Variants in FRMD6 observed in about 807,000 individuals in gnomAD.
FRMD6 encodes FERM domain-containing protein 6.
Under a neutral mutation model 73.2 loss-of-function variants are expected in FRMD6, and 37 were observed. That is an observed-to-expected ratio of 0.51 (90% CI 0.39 to 0.66). The LOEUF (loss-of-function observed/expected upper bound fraction) is 0.66. Among genes scored for constraint, FRMD6 ranks in the 30% least tolerant of loss-of-function variants. The pLI is 0.00. For missense variants in FRMD6, 714 were observed against 780.5 expected (o/e 0.91, Z 1.02); for synonymous variants, 273 against 282.2 (o/e 0.97, Z 0.33).
chr14:51,555,820 A>T (rs1043092809), intron 1 of FRMD6, among the ~76,000 whole-genome samples: 1 of 149,826 alleles, frequency 6.7e-6, no homozygotes, highest in Non-Finnish European at 1.5e-5. Context: ...AAAAAAAAAA[A>T]GTTATCTGAT....
chr14:51,728,187 A>G lies in FRMD6; in HGVS notation c.*158A>G, dbSNP rs1898090427. 5 of 692,078 alleles carry G rather than the reference A, an allele frequency of 7.2e-6. No individual in the cohort carries two copies. Among genetic ancestry groups the G allele is most frequent in the South Asian group, 4.2e-5 (2 of 47,408 alleles). 42.9% of individuals were successfully genotyped at this position (692,078 alleles called of 1,614,324 possible). On this transcript the variant is annotated 3_prime_UTR_variant, in exon 14 of 14. Coordinates refer to ENST00000344768, the MANE Select transcript of FRMD6 (RefSeq NM_001267046.2). ...TGATGGAAACAAAAGCCTTGGAACAATTGCACTTTAAGTATTACACAGAAG... is the reference window on the plus strand; with the variant it reads ...TGATGGAAACAAAAGCCTTGGAACAGTTGCACTTTAAGTATTACACAGAAG...
At chr14:51,495,965 T>G (rs945311807) in intron 1 of FRMD6, among the ~76,000 whole-genome samples, 50 of 152,222 alleles carry the variant, frequency 3.3e-4, no homozygotes, top group African/African-American at 1.2e-3. Context: ...TAGTACCCTG[T>G]GTTGTCCCTA....
chr14:51,677,510 C>T (rs1168676428), intron 1 of FRMD6, among the ~76,000 whole-genome samples: 3 of 151,982 alleles, frequency 2.0e-5, no homozygotes, highest in Admixed American at 6.6e-5. Context: ...TTTTTGTTGG[C>T]GATGTCATGC....
intron 2 of FRMD6, among the ~76,000 whole-genome samples, chr14:51,585,701 C>T (rs761340824): frequency 9.9e-5 from 15 of 151,172 alleles, no homozygotes; most frequent in Non-Finnish European, 2.1e-4. Flanking sequence ...AACCCCTTGC[C>T]CGATTCCCAC....
At chr14:51,606,266 T>C (rs1237601093) in intron 2 of FRMD6, among the ~76,000 whole-genome samples, 2 of 137,596 alleles carry the variant, frequency 1.5e-5, no homozygotes, top group African/African-American at 4.9e-5. Flanking sequence ...GTAATACACA[T>C]GGACATTCAG....
intron 1 of FRMD6, among the ~76,000 whole-genome samples, chr14:51,655,187 A>G (rs1405791319): frequency 6.6e-6 from 1 of 152,216 alleles, no homozygotes; most frequent in East Asian, 1.9e-4. Context: ...AGGAAAAACA[A>G]ACACAGTTTA....
At chr14:51,486,921 A>G (rs1477858498), upstream of FRMD6, among the ~76,000 whole-genome samples, 1 of 144,382 alleles carries the variant, frequency 6.9e-6, no homozygotes, top group African/African-American at 2.6e-5. Context: ...AGGATAGTAT[A>G]TAGGGTATAA....
At chr14:51,599,312 C>G (rs1298761824) in intron 2 of FRMD6, among the ~76,000 whole-genome samples, 1 of 151,816 alleles carries the variant, frequency 6.6e-6, no homozygotes, top group African/African-American at 2.4e-5. Flanking sequence ...AAACTGATCC[C>G]CTCCCTTTCA....
chr14:51,452,897 G>A, the FRMD6 span, among the ~76,000 whole-genome samples: 2 of 152,144 alleles, frequency 1.3e-5, no homozygotes, highest in Non-Finnish European at 2.9e-5. Flanking sequence ...GAGAGAAGAC[G>A]ATGTCTCATC....
intron 1 of FRMD6, among the ~76,000 whole-genome samples, chr14:51,520,748 A>G (rs979141382): frequency 5.9e-5 from 9 of 152,142 alleles, no homozygotes; most frequent in African/African-American, 1.9e-4. Flanking sequence ...AAATTCAAAA[A>G]TTAGCCAAAA....
At chr14:51,594,509 G>C (rs2139757388) in intron 2 of FRMD6, among the ~76,000 whole-genome samples, 1 of 151,214 alleles carries the variant, frequency 6.6e-6, no homozygotes, top group Non-Finnish European at 1.5e-5. Flanking sequence ...TATATTTTTT[G>C]GTAGAGATGG....
intron 2 of FRMD6, among the ~76,000 whole-genome samples, chr14:51,606,072 G>C (rs74545782): frequency 2.6e-5 from 4 of 152,166 alleles, no homozygotes; most frequent in Non-Finnish European, 5.9e-5. Flanking sequence ...TAAGGTAAGC[G>C]TTATCCTTTG....
the FRMD6 span, among the ~76,000 whole-genome samples, chr14:51,474,029 A>G: frequency 6.6e-6 from 1 of 152,170 alleles, no homozygotes; most frequent in Non-Finnish European, 1.5e-5. Context: ...TCTATTTGTT[A>G]CAGATGAGAA....
intron 10 of FRMD6, among the ~76,000 whole-genome samples, chr14:51,715,742 C>T (rs1407529664): frequency 2.0e-5 from 3 of 152,214 alleles, no homozygotes; most frequent in African/African-American, 7.2e-5. Flanking sequence ...CTCTCAAGTA[C>T]AGTCTCTAAG....
chr14:51,603,224 A>G (rs999126403), intron 2 of FRMD6, among the ~76,000 whole-genome samples: 1 of 149,554 alleles, frequency 6.7e-6, no homozygotes, highest in Admixed American at 6.7e-5. Flanking sequence ...GCCCAGAACT[A>G]TAGGAAAAAA....
chr14:51,720,262 G>C lies in FRMD6; in HGVS notation c.1232G>C (p.Ser411Thr). Residue 411 changes from serine to threonine, a missense_variant, in exon 11 of 14, where the codon AGC becomes ACC. Physicochemically the swap from Ser to Thr is moderately conservative, Grantham distance 58. Coordinates refer to ENST00000344768, the MANE Select transcript of FRMD6 (RefSeq NM_001267046.2). ...TKPRDTGPED[S>T]YSSSAIHRKL... ...CCCCGGGACACGGGGCCAGAAGACA[G>C]CTACTCCAGCAGTGCCATCCACCGC... 1 of 1,613,964 alleles carries C rather than the reference G, an allele frequency of 6.2e-7. No individual in the cohort carries two copies. The highest frequency in any genetic ancestry group is 8.5e-7 in the Non-Finnish European group (1 of 1,179,966).
chr14:51,473,198 T>A, the FRMD6 span, among the ~76,000 whole-genome samples: 2 of 152,154 alleles, frequency 1.3e-5, no homozygotes, highest in African/African-American at 2.4e-5. Context: ...GTACTAGCCT[T>A]GGAGACAATC....
chr14:51,554,435 C>T (rs1426483584), intron 1 of FRMD6, among the ~76,000 whole-genome samples: 1 of 152,088 alleles, frequency 6.6e-6, no homozygotes, highest in East Asian at 1.9e-4. Flanking sequence ...TGGGAAGAAG[C>T]AAAAGAGTAA....
intron 2 of FRMD6, among the ~76,000 whole-genome samples, chr14:51,697,652 T>TA (rs1444746001): frequency 2.0e-5 from 3 of 152,150 alleles, no homozygotes; most frequent in Non-Finnish European, 4.4e-5. Flanking sequence ...CACAAAAAGA[T>TA]ACATATGTGA....
Sources: allele counts gnomAD v4.1 joint callset (sites outside exome capture counted in the v4.1 genomes callset), GRCh38; gene constraint gnomAD v4.1.1; transcripts MANE v1.5; gene names NCBI Gene and HGNC (gene_info 2026-07-23, HGNC 2026-07-21).